Variants in PDE1C observed in about 807,000 individuals in gnomAD.
The protein encoded by PDE1C is phosphodiesterase 1C, also known as dual specificity calcium/calmodulin-dependent 3',5'-cyclic nucleotide phosphodiesterase 1C.
In PDE1C, 62 loss-of-function variants were observed where a neutral mutation model predicts 93.1. That is an observed-to-expected ratio of 0.67 (90% confidence interval 0.54 to 0.82). The LOEUF is 0.82. Ranked by LOEUF, PDE1C falls within the 40% of genes least tolerant of loss-of-function variation. The pLI is 0.00. For missense variants in PDE1C, 742 were observed against 884.6 expected, an observed-to-expected ratio of 0.84 and a Z score of 2.04; for synonymous variants, 325 against 310.1, an observed-to-expected ratio of 1.05 and a Z score of -0.50.
intron 2 of PDE1C, among the ~76,000 whole-genome samples, chr7:31,987,374 C>A (rs1783552358): frequency 6.6e-6 from 1 of 152,184 alleles, no homozygotes; most frequent in African/African-American, 2.4e-5. Flanking sequence ...AGGGCCCACC[C>A]AGCTGAGCTC....
chr7:31,951,997 T>C (rs1295414155), intron 2 of PDE1C, among the ~76,000 whole-genome samples: 4 of 152,202 alleles, frequency 2.6e-5, no homozygotes, highest in Non-Finnish European at 5.9e-5. Flanking sequence ...GCTTACTATG[T>C]ACCAGGAACT....
intron 2 of PDE1C, among the ~76,000 whole-genome samples, chr7:32,193,900 TTTTTGG>T (rs1171019352): frequency 2.0e-5 from 3 of 146,618 alleles, no homozygotes; most frequent in Non-Finnish European, 4.4e-5. Context: ...GTGGTTTTTT[TTTTTGG>T]TTTTGTTTTG....
At chr7:32,363,195 C>T (rs1784168784) in intron 1 of PDE1C, among the ~76,000 whole-genome samples, 1 of 152,196 alleles carries the variant, frequency 6.6e-6, no homozygotes, top group Admixed American at 6.5e-5. Context: ...GTGACCACGG[C>T]AAAATCAGGG....
chr7:31,874,985 T>C (rs1202254786), intron 5 of PDE1C, among the ~76,000 whole-genome samples: 2 of 152,186 alleles, frequency 1.3e-5, no homozygotes, highest in Non-Finnish European at 2.9e-5. Context: ...TGCCAACAGA[T>C]GAAATTGTAA....
At chr7:32,109,015 T>C (rs1209886439) in intron 3 of PDE1C, among the ~76,000 whole-genome samples, 3 of 152,064 alleles carry the variant, frequency 2.0e-5, no homozygotes, top group Admixed American at 6.6e-5. Flanking sequence ...CAAAAGAACA[T>C]GCATAAAATT....
intron 14 of PDE1C, among the ~76,000 whole-genome samples, chr7:31,818,007 A>G (rs1165089495): frequency 1.3e-5 from 2 of 152,106 alleles, no homozygotes; most frequent in Admixed American, 6.6e-5. Context: ...CTCATCCCCA[A>G]ACAAATTAAA....
intron 1 of PDE1C, among the ~76,000 whole-genome samples, chr7:32,280,812 A>T (rs77695074): frequency 0.053 from 8,115 of 152,262 alleles, 326 homozygotes; most frequent in Non-Finnish European, 0.074. Context: ...ACACAGCAAG[A>T]CTGTCTCCAC....
intron 14 of PDE1C, among the ~76,000 whole-genome samples, chr7:31,822,395 C>T (rs1049708183): frequency 2.6e-5 from 4 of 151,998 alleles, no homozygotes; most frequent in Admixed American, 6.6e-5. Context: ...TAGAATGTAC[C>T]GATCATGGAG....
chr7:32,279,218 A>C (rs1040084360), intron 1 of PDE1C, among the ~76,000 whole-genome samples: 5 of 152,234 alleles, frequency 3.3e-5, no homozygotes, highest in Non-Finnish European at 7.3e-5. Flanking sequence ...ACAATCTGAA[A>C]AGGCCAATCA....
At chr7:32,344,482 A>C (rs1281098350) in intron 1 of PDE1C, among the ~76,000 whole-genome samples, 1 of 152,136 alleles carries the variant, frequency 6.6e-6, no homozygotes, top group African/African-American at 2.4e-5. Context: ...TTCCTTGTTC[A>C]TTCTACCCTG....
chr7:31,696,979 C>A, the PDE1C span: 1 of 1,613,962 alleles, frequency 6.2e-7, no homozygotes, highest in Non-Finnish European at 8.5e-7. Context: ...GTTTTCAGAA[C>A]ATTTAATTAA....
intron 1 of PDE1C, among the ~76,000 whole-genome samples, chr7:32,419,609 A>G (rs1785347630): frequency 1.3e-5 from 2 of 152,064 alleles, no homozygotes; most frequent in South Asian, 4.1e-4. Context: ...AATGTTCCCA[A>G]CCTTCCTGGC....
At chr7:32,232,753 C>G (rs539537363) in intron 1 of PDE1C, among the ~76,000 whole-genome samples, 1 of 152,104 alleles carries the variant, frequency 6.6e-6, no homozygotes, top group South Asian at 2.1e-4. Flanking sequence ...AATGGATAGA[C>G]GGGTATCCAT....
At chr7:32,355,927 T>A (rs1187794633) in intron 1 of PDE1C, among the ~76,000 whole-genome samples, 1 of 152,240 alleles carries the variant, frequency 6.6e-6, no homozygotes, top group East Asian at 1.9e-4. Flanking sequence ...AGTTCTCCCA[T>A]CATACTCTCA....
chr7:32,117,008 G>A (rs150262742), intron 3 of PDE1C, among the ~76,000 whole-genome samples: 1 of 152,198 alleles, frequency 6.6e-6, no homozygotes, highest in East Asian at 1.9e-4. Flanking sequence ...ACAAGTTATT[G>A]CTCAACTACA....
chr7:32,127,490 T>C (rs2128768597), intron 3 of PDE1C, among the ~76,000 whole-genome samples: 1 of 151,974 alleles, frequency 6.6e-6, no homozygotes, highest in East Asian at 1.9e-4. Flanking sequence ...AAAGACATAA[T>C]AGAAAAAAAC....
In PDE1C at chr7:31,753,790, C is replaced by T. The variant is rs1019922962; in HGVS notation, c.1961-237G>A. ...ATTTCTAGAGATACAGTGATAACTG[C>T]AGTACATAAAGGTCCTTTGACAATG... On this transcript the variant is annotated intron_variant, in intron 17 of 17. Coordinates refer to ENST00000396191, the MANE Select transcript of PDE1C (RefSeq NM_001191057.4). 3.3e-5 allele frequency among the ~76,000 whole-genome samples: 5 copies of T among 152,268 alleles called. No individual in the cohort carries two copies. In the South Asian group the frequency reaches 1.0e-3, roughly 32 times the overall value.
intron 16 of PDE1C, among the ~76,000 whole-genome samples, chr7:31,776,569 A>G (rs992935080): frequency 6.6e-6 from 1 of 152,112 alleles, no homozygotes; most frequent in Non-Finnish European, 1.5e-5. Flanking sequence ...AAAATTTTAC[A>G]TTTTTTGTAT....
intron 2 of PDE1C, among the ~76,000 whole-genome samples, chr7:32,202,307 G>C (rs2128831074): frequency 6.6e-6 from 1 of 152,300 alleles, no homozygotes; most frequent in East Asian, 1.9e-4. Flanking sequence ...GGCAGAGTGA[G>C]TCTCAGTGTC....
Sources: allele counts gnomAD v4.1 joint callset (sites outside exome capture counted in the v4.1 genomes callset), GRCh38; gene constraint gnomAD v4.1.1; transcripts MANE v1.5; gene names NCBI Gene and HGNC (gene_info 2026-07-23, HGNC 2026-07-21).